Variants in KLHL29 observed in about 807,000 individuals in gnomAD.
The protein encoded by KLHL29 is kelch like family member 29.
In KLHL29, 21 loss-of-function variants were observed where a neutral mutation model predicts 80.4. That is an observed-to-expected ratio of 0.26 (90% CI 0.19 to 0.38). The LOEUF (loss-of-function observed/expected upper bound fraction) is 0.38, where lower values mean the gene tolerates loss of function less well. Among genes scored for constraint, KLHL29 ranks in the 10% least tolerant of loss-of-function variants. KLHL29 has a pLI of 1.00. For synonymous variants in KLHL29, 511 were observed against 526.8 expected, an observed-to-expected ratio of 0.97 and a Z score of 0.41; for missense variants, 867 against 1,223.9, an observed-to-expected ratio of 0.71 and a Z score of 4.35.
At chr2:23,430,570 C>T (rs1218296987) in intron 1 of KLHL29, among the ~76,000 whole-genome samples, 1 of 152,218 alleles carries the variant, frequency 6.6e-6, no homozygotes, top group Non-Finnish European at 1.5e-5. Flanking sequence ...CCAAAAGGGA[C>T]AGGTGCCTGA....
chr2:23,536,964 T>G (rs890493676), intron 2 of KLHL29, among the ~76,000 whole-genome samples: 3 of 151,668 alleles, frequency 2.0e-5, no homozygotes, highest in Admixed American at 6.6e-5. Flanking sequence ...TCTCTCGCTC[T>G]CTCTCCTTCA....
intron 3 of KLHL29, among the ~76,000 whole-genome samples, chr2:23,626,740 C>T (rs1213326785): frequency 6.6e-6 from 1 of 152,212 alleles, no homozygotes; most frequent in African/African-American, 2.4e-5. Flanking sequence ...GGATGACGCC[C>T]CTGCAGGCGA....
At position 23,655,955 on chromosome 2, in the gene KLHL29, T is replaced by G. The variant is rs537916647; in HGVS notation, c.940+13105T>G. Among the ~76,000 whole-genome samples the G allele has an allele frequency of 4.4e-3, 664 of 152,158 alleles. 4 individuals are homozygous for G. The highest frequency in any genetic ancestry group is 0.015 in the African/African-American group (630 of 41,498). ...ACCGAAGCTCTGCTCAGTCTCAGAC[T>G]CCTCCCAGTTACCACCACTCGCAGT... On this transcript the variant is annotated intron_variant, in intron 5 of 13. Transcript: ENST00000486442.
At chr2:23,554,925 AAC>A (rs1282980340) in intron 2 of KLHL29, among the ~76,000 whole-genome samples, 1 of 152,130 alleles carries the variant, frequency 6.6e-6, no homozygotes, top group Non-Finnish European at 1.5e-5. Flanking sequence ...AGCAATTAGA[AAC>A]ACAGTCTGGG....
Position 23,703,771 on chromosome 2 carries a change from C to A in KLHL29, c.2352C>A (p.Gly784=), listed in dbSNP as rs554907955. The A allele has an allele frequency of 2.1e-5, 32 of 1,537,268 alleles. No homozygotes were observed. In the African/African-American group the frequency reaches 4.1e-4, roughly 20 times the overall value. ...VTLNGFVFIL[G]GAYARATTIY... ...TCAATGGCTTCGTTTTCATCCTGGG[C>A]GGGGCTTATGCCAGAGCTACCACCA... is the stretch of plus-strand genomic sequence containing the variant. Residue 784 remains glycine, a synonymous_variant, in exon 13 of 14, where the codon GGC becomes GGA. Coordinates refer to ENST00000486442, the MANE Select transcript of KLHL29 (RefSeq NM_052920.2).
Position 23,639,233 on chromosome 2 carries a change from A to G in KLHL29, c.380A>G (p.Asp127Gly). 6.5e-7 allele frequency: 1 copy of G among 1,549,246 alleles called. No individual in the cohort carries two copies. The highest frequency in any genetic ancestry group is 8.7e-7 in the Non-Finnish European group (1 of 1,145,886). The change falls in exon 4 of 14, where the codon GAC becomes GGC. Residue 127 changes from aspartate to glycine, a missense_variant. Transcript: ENST00000486442. The part of the protein sequence containing the change: ...QTPINQSTPW[D>G]TDEPPSKQMR... ...CCTATCAATCAGTCCACACCCTGGG[A>G]CACTGATGAGCCACCCTCCAAACAG... is the stretch of plus-strand genomic sequence containing the variant.
chr2:23,458,109 G>A (rs1049504679), intron 1 of KLHL29, among the ~76,000 whole-genome samples: 1 of 152,244 alleles, frequency 6.6e-6, no homozygotes, highest in Non-Finnish European at 1.5e-5. Flanking sequence ...ATAGGCGTCA[G>A]TGCACGTCTG....
At chr2:23,651,700 A>C (rs1450802586) in intron 5 of KLHL29, among the ~76,000 whole-genome samples, 1 of 152,186 alleles carries the variant, frequency 6.6e-6, no homozygotes, top group African/African-American at 2.4e-5. Flanking sequence ...TGGGTGGCTT[A>C]AACAACAGAA....
intron 3 of KLHL29, among the ~76,000 whole-genome samples, chr2:23,574,251 A>G (rs1032096396): frequency 6.6e-5 from 10 of 152,034 alleles, no homozygotes; most frequent in Admixed American, 1.3e-4. Context: ...TGGGATGGAG[A>G]AGGAGAGACC....
chr2:23,471,264 A>C (rs1037747546), intron 1 of KLHL29, among the ~76,000 whole-genome samples: 1 of 152,158 alleles, frequency 6.6e-6, no homozygotes, highest in Non-Finnish European at 1.5e-5. Flanking sequence ...TGCTGTGTCA[A>C]ACTGGAGGCT....
At chr2:23,505,013 C>T (rs1229963610) in intron 2 of KLHL29, among the ~76,000 whole-genome samples, 1 of 152,202 alleles carries the variant, frequency 6.6e-6, no homozygotes, top group Non-Finnish European at 1.5e-5. Context: ...TTCAGAGCAT[C>T]CTTTTGCCTC....
chr2:23,464,904 A>G (rs1234563410), intron 1 of KLHL29, among the ~76,000 whole-genome samples: 1 of 152,246 alleles, frequency 6.6e-6, no homozygotes, highest in African/African-American at 2.4e-5. Context: ...TAAAATGCCC[A>G]TAATCAATGC....
intron 2 of KLHL29, among the ~76,000 whole-genome samples, chr2:23,541,151 TTTC>T (rs1666821186): frequency 6.6e-6 from 1 of 152,258 alleles, no homozygotes; most frequent in South Asian, 2.1e-4. Flanking sequence ...CCTTTCTCAC[TTTC>T]TTCGCTTGAC....
At chr2:23,615,831 T>C (rs1668990005) in intron 3 of KLHL29, among the ~76,000 whole-genome samples, 1 of 152,200 alleles carries the variant, frequency 6.6e-6, no homozygotes, top group Admixed American at 6.5e-5. Context: ...TGCGCCAGCC[T>C]TCCTGCACGT....
In KLHL29 at chr2:23,693,388, G is replaced by A. The variant is rs369774606; in HGVS notation, c.1402G>A (p.Ala468Thr). The change falls in exon 8 of 14, where the codon GCC becomes ACC. Residue 468 changes from alanine to threonine, a missense_variant. Transcript: ENST00000486442. ...GCTGCAGATCTTCCCCGAGGTGGCC[G>A]CCCAGGAGGAGATCCTCAGCATCTC... ...FALQIFPEVA[A>T]QEEILSISKD... is the part of the protein sequence containing the mutation. 2,601 of 1,551,752 alleles carry A rather than the reference G, an allele frequency of 1.7e-3. 66 individuals are homozygous for A. In the South Asian group the frequency reaches 0.029, roughly 17 times the overall value.
intron 1 of KLHL29, among the ~76,000 whole-genome samples, chr2:23,451,780 T>C (rs987382686): frequency 2.0e-5 from 3 of 152,198 alleles, no homozygotes; most frequent in African/African-American, 4.8e-5. Context: ...AGGCCTGCTA[T>C]TGGGTAATGT....
In KLHL29 at chr2:23,693,439, TCCAACGACA is replaced by T; in HGVS notation, c.1454_1462del (p.Ser485_Ser488delinsCys). ...CAAGGACGACTTCATCGCCTACGTC[TCCAACGACA>T]GCCTCAACACCAAGGCTGAGGAGCT... On this transcript the variant is annotated inframe_deletion, in exon 8 of 14. Transcript: ENST00000486442. The T allele has an allele frequency of 6.4e-7, 1 of 1,551,622 alleles. No homozygotes were observed. The highest frequency in any genetic ancestry group is 8.7e-7 in the Non-Finnish European group (1 of 1,146,960).
intron 1 of KLHL29, among the ~76,000 whole-genome samples, chr2:23,423,963 A>G (rs1572501648): frequency 6.6e-6 from 1 of 152,134 alleles, no homozygotes; most frequent in African/African-American, 2.4e-5. Flanking sequence ...GCTTCGCTGG[A>G]GCATCCGCTC....
rs551972126 is a variant in KLHL29, at chr2:23,696,527, G to A, written c.2105+14G>A. The A allele has an allele frequency of 3.3e-5, 50 of 1,507,476 alleles. No homozygotes were observed. Among genetic ancestry groups the A allele is most frequent in the African/African-American group, 1.2e-4 (9 of 72,384 alleles). The allele number at this position is 1,507,476 out of a possible 1,614,324, so 93.4% of individuals were successfully genotyped here. A position where few individuals can be genotyped will look rare whatever the true frequency, so the allele number is the denominator to read the frequency against. On this transcript the variant is annotated intron_variant, in intron 11 of 13. Coordinates refer to ENST00000486442, the MANE Select transcript of KLHL29 (RefSeq NM_052920.2). This position sits in a 1 kb window ranked among gnomAD's most constrained non-coding sequence, Gnocchi z 5.5. Reference sequence around the variant, plus strand: ...CCACGTGGAGAGGTAATGAGGCCACGGTCAGGACAGGGGCATGCTCTTTGC... The same window carrying A: ...CCACGTGGAGAGGTAATGAGGCCACAGTCAGGACAGGGGCATGCTCTTTGC...
Sources: allele counts gnomAD v4.1 joint callset (sites outside exome capture counted in the v4.1 genomes callset), GRCh38; gene constraint gnomAD v4.1.1; non-coding constraint Gnocchi (gnomAD v3.1); transcripts MANE v1.5; gene names NCBI Gene and HGNC (gene_info 2026-07-23, HGNC 2026-07-21).